Variants in TEC observed in about 807,000 individuals in gnomAD.
TEC encodes tyrosine-protein kinase Tec.
Under a neutral mutation model 93.0 loss-of-function variants are expected in TEC, and 72 were observed. The observed-to-expected ratio is 0.77, with a 90% CI of 0.64 to 0.94. The LOEUF is 0.94. Ranked by LOEUF, TEC falls within the 40% of genes least tolerant of loss-of-function variation. The pLI is 0.00. For missense variants in TEC, 630 were observed against 757.9 expected (o/e 0.83, Z 1.98); for synonymous variants, 249 against 247.7 (o/e 1.01, Z -0.05).
In TEC at chr4:48,269,439, T is replaced by C. The variant is rs1167319551; in HGVS notation, c.-46+313A>G. The stretch of plus-strand genomic sequence containing the variant: ...ACTTGCCGCAGGGCGGCCTCAGGCC[T>C]GGAACTTCAAGAAAAAGGGGCGGGT... On this transcript the variant is annotated intron_variant, in intron 1 of 17. Transcript: ENST00000381501. 2.0e-5 allele frequency among the ~76,000 whole-genome samples: 3 copies of C among 149,730 alleles called. No individual in the cohort carries two copies. The Admixed American group carries it at 2.0e-4, about 10-fold the overall frequency.
chr4:48,198,438 A>G (rs533843677), intron 2 of TEC, among the ~76,000 whole-genome samples: 1 of 152,332 alleles, frequency 6.6e-6, no homozygotes, highest in South Asian at 2.1e-4. Flanking sequence ...GCTACCCTGC[A>G]TTTCCCATCA....
rs1293641263 is a variant in TEC, at chr4:48,176,181, T to A, written c.144A>T (p.Lys48Asn). Residue 48 changes from lysine (K) to asparagine (N), a missense_variant, in exon 3 of 18, where the codon AAA becomes AAT. Transcript: ENST00000381501. ...LTYYEGRAEK[K>N]YRKGFIDVSK... ...AAACATCAATAAACCCCTTTCTGTATTTCTTCTGTTAAAAGAAAAAAAGGA... is the reference window on the plus strand; with the variant it reads ...AAACATCAATAAACCCCTTTCTGTAATTCTTCTGTTAAAAGAAAAAAAGGA... The A allele has an allele frequency of 6.2e-7, 1 of 1,607,956 alleles. No homozygotes were observed. Among genetic ancestry groups the A allele is most frequent in the African/African-American group, 1.3e-5 (1 of 74,812 alleles).
At position 48,143,692 on chromosome 4, in the gene TEC, T is replaced by C. The variant is rs186595932; in HGVS notation, c.1470+1387A>G. Among the ~76,000 whole-genome samples the C allele has an allele frequency of 2.0e-5, 3 of 152,342 alleles. No individual in the cohort carries two copies. The East Asian group carries it at 5.8e-4, about 29-fold the overall frequency. ...TCAATTCTCTAATATGTTTTAATTC[T>C]AGAGAGCATAGCATAGTAGTTAAGT... On this transcript the variant is annotated intron_variant, in intron 14 of 17. Transcript: ENST00000381501.
chr4:48,137,386 G>C lies in TEC; in HGVS notation c.*30C>G. 2 of 1,584,976 alleles carry C rather than the reference G, an allele frequency of 1.3e-6. No individual in the cohort carries two copies. The highest frequency in any genetic ancestry group is 1.7e-6 in the Non-Finnish European group (2 of 1,156,318). On this transcript the variant is annotated 3_prime_UTR_variant, in exon 18 of 18. Coordinates refer to ENST00000381501, the MANE Select transcript of TEC (RefSeq NM_003215.3). ...AAATGCCCATCCTTCCTTGTGCTTG[G>C]GAATCTGGGAGCCACTGGTCACACA... is the stretch of plus-strand genomic sequence containing the variant.
chr4:48,178,676 A>G (rs576992647), intron 2 of TEC, among the ~76,000 whole-genome samples: 25 of 152,274 alleles, frequency 1.6e-4, no homozygotes, highest in Non-Finnish European at 3.1e-4. Context: ...AAGGGGTTCT[A>G]AGCAGCCTTT....
At chr4:48,267,944 T>C (rs986510873) in intron 1 of TEC, among the ~76,000 whole-genome samples, 13 of 152,244 alleles carry the variant, frequency 8.5e-5, no homozygotes, top group Non-Finnish European at 1.8e-4. Flanking sequence ...CCCAAGGCCC[T>C]GTCTCCCAGC....
At chr4:48,243,965 A>AT (rs1488838796) in intron 1 of TEC, among the ~76,000 whole-genome samples, 2 of 64,986 alleles carry the variant, frequency 3.1e-5, no homozygotes, top group Admixed American at 4.0e-4. Context: ...TTAAAGTATA[A>AT]TTAAAAAAAA....
intron 2 of TEC, among the ~76,000 whole-genome samples, chr4:48,197,633 G>A (rs1722345037): frequency 1.3e-5 from 2 of 152,158 alleles, no homozygotes; most frequent in African/African-American, 4.8e-5. Flanking sequence ...CTGAGGCTGA[G>A]GGAAAGCTGT....
chr4:48,238,777 A>C (rs1723855427), intron 1 of TEC, among the ~76,000 whole-genome samples: 1 of 151,582 alleles, frequency 6.6e-6, no homozygotes, highest in Non-Finnish European at 1.5e-5. Context: ...GACTAAGTTA[A>C]GACCAAAAAG....
chr4:48,220,376 G>A (rs1383090011), intron 2 of TEC, among the ~76,000 whole-genome samples: 8 of 152,036 alleles, frequency 5.3e-5, no homozygotes, highest in African/African-American at 1.9e-4. Context: ...CCTGGTGGGA[G>A]GTGGTTTGGG....
At chr4:48,161,061 C>CT (rs1390393619) in intron 8 of TEC, among the ~76,000 whole-genome samples, 1 of 152,036 alleles carries the variant, frequency 6.6e-6, no homozygotes, top group Non-Finnish European at 1.5e-5. Flanking sequence ...TTCAGATTAG[C>CT]TAGTTACCCC....
chr4:48,146,286 A>C (rs1719903114), intron 12 of TEC, 39 bp downstream of exon 12: 2 of 1,584,924 alleles, frequency 1.3e-6, no homozygotes, highest in Non-Finnish European at 1.7e-6. Flanking sequence ...GATTCTTTTC[A>C]AGGAAAATTA....
intron 2 of TEC, among the ~76,000 whole-genome samples, chr4:48,217,716 G>T (rs530851874): frequency 6.6e-6 from 1 of 151,788 alleles, no homozygotes; most frequent in African/African-American, 2.4e-5. Context: ...GTGTGATTAT[G>T]GATTAGATCC....
chr4:48,249,815 T>C (rs1724154884), intron 1 of TEC, among the ~76,000 whole-genome samples: 1 of 89,926 alleles, frequency 1.1e-5, no homozygotes. Flanking sequence ...GTGGGAAAAC[T>C]GTAGTTTTCA....
chr4:48,198,799 G>T (rs1722391920), intron 2 of TEC, among the ~76,000 whole-genome samples: 1 of 151,658 alleles, frequency 6.6e-6, no homozygotes, highest in Non-Finnish European at 1.5e-5. Context: ...TTAAATTTAA[G>T]AAAAAAGAAA....
At chr4:48,245,961 T>G (rs1450970135) in intron 1 of TEC, among the ~76,000 whole-genome samples, 1 of 151,816 alleles carries the variant, frequency 6.6e-6, no homozygotes. Context: ...AATACAAAAT[T>G]ATCCTGGCAT....
chr4:48,145,764 A>C (rs1298396448), intron 12 of TEC, among the ~76,000 whole-genome samples, 185 bp from the exon 13 acceptor site: 1 of 152,220 alleles, frequency 6.6e-6, no homozygotes, highest in African/African-American at 2.4e-5. Flanking sequence ...GGGAAGGATG[A>C]ATCCCTTCTA....
intron 8 of TEC, among the ~76,000 whole-genome samples, chr4:48,157,290 G>C (rs1235729105): frequency 1.3e-5 from 2 of 152,072 alleles, no homozygotes; most frequent in African/African-American, 2.4e-5. Flanking sequence ...CATAATGGAG[G>C]CTCCCTCAAT....
intron 2 of TEC, among the ~76,000 whole-genome samples, chr4:48,198,532 A>G (rs879395459): frequency 1.3e-5 from 2 of 152,204 alleles, no homozygotes; most frequent in Non-Finnish European, 2.9e-5. Context: ...TCCCTGTCAT[A>G]TCTTTACAAT....
Sources: allele counts gnomAD v4.1 joint callset (sites outside exome capture counted in the v4.1 genomes callset), GRCh38; gene constraint gnomAD v4.1.1; transcripts MANE v1.5; gene names NCBI Gene and HGNC (gene_info 2026-07-23, HGNC 2026-07-21).